Variants in CADPS observed in about 807,000 individuals in gnomAD.
CADPS encodes calcium-dependent secretion activator 1.
In CADPS, 57 loss-of-function variants were observed where a neutral mutation model predicts 167.3. The observed-to-expected ratio is 0.34, with a 90% confidence interval of 0.28 to 0.42. CADPS has a LOEUF of 0.42. CADPS is among the 20% of genes least tolerant of loss of function. The pLI, the probability that CADPS is intolerant of heterozygous loss-of-function variation, is 1.00. For missense variants in CADPS, 1,414 were observed against 1,738.1 expected, an observed-to-expected ratio of 0.81 and a Z score of 3.32; for synonymous variants, 676 against 635.3, an observed-to-expected ratio of 1.06 and a Z score of -0.96.
chr3:62,473,533 C>T (rs2060880255), intron 24 of CADPS, among the ~76,000 whole-genome samples: 3 of 152,170 alleles, frequency 2.0e-5, no homozygotes, highest in Admixed American at 2.0e-4. Flanking sequence ...GAAAAATGAT[C>T]ATGATAGTCT....
intron 3 of CADPS, among the ~76,000 whole-genome samples, chr3:62,688,210 A>G (rs1488382016): frequency 1.3e-5 from 2 of 150,254 alleles, no homozygotes; most frequent in Non-Finnish European, 3.0e-5. Context: ...GCCACTACCC[A>G]ATGTAAACCA....
intron 5 of CADPS, among the ~76,000 whole-genome samples, chr3:62,648,772 T>C (rs546704463): frequency 6.6e-6 from 1 of 151,602 alleles, no homozygotes; most frequent in African/African-American, 2.4e-5. Context: ...CCCGTTTCTG[T>C]AGGAAGACAA....
intron 1 of CADPS, among the ~76,000 whole-genome samples, chr3:62,809,910 C>T (rs1021150632): frequency 3.3e-5 from 5 of 152,168 alleles, no homozygotes; most frequent in Non-Finnish European, 7.3e-5. Flanking sequence ...TACGTCTTAA[C>T]ATAAAACATT....
chr3:62,632,203 T>C (rs2065410591), intron 6 of CADPS, among the ~76,000 whole-genome samples: 1 of 152,150 alleles, frequency 6.6e-6, no homozygotes, highest in Admixed American at 6.5e-5. Context: ...CACCCACAGA[T>C]ACAGAAAAAC....
rs554559936 is a variant in CADPS at position 62,585,310 on chromosome 3, G to A, written c.1452C>T (p.Pro484=). ...CTGACTGTTTGGGGCTGTTCGGGGT[G>A]GGATGGAGAATAACCTGTAGGGGAA... ...DKELGRVILH[P]TPNSPKQSEW... The change falls in exon 8 of 30, where the codon CCC becomes CCT. Residue 484 remains proline, a synonymous_variant. Coordinates refer to ENST00000383710, the MANE Select transcript of CADPS (RefSeq NM_003716.4). 3.1e-6 allele frequency: 5 copies of A among 1,609,264 alleles called. No homozygotes were observed. The highest frequency in any genetic ancestry group is 2.7e-5 in the African/African-American group (2 of 74,796).
At chr3:62,485,709 CAACA>C in intron 21 of CADPS, among the ~76,000 whole-genome samples, 1 of 152,264 alleles carries the variant, frequency 6.6e-6, no homozygotes, top group Non-Finnish European at 1.5e-5. Context: ...GGCAATTAAT[CAACA>C]AACATTTATT....
At position 62,769,993 on chromosome 3, in the gene CADPS, G is replaced by A. The variant is rs1441336955; in HGVS notation, c.442-4009C>T. ...ATGGCCTGGCATAAAAGAGCCAAATGATAAACTCAATGGGCTCCAAGGCTC... is the reference window on the plus strand; with the variant it reads ...ATGGCCTGGCATAAAAGAGCCAAATAATAAACTCAATGGGCTCCAAGGCTC... On this transcript the variant is annotated intron_variant, in intron 1 of 29. Transcript: ENST00000383710. Among the ~76,000 whole-genome samples, 7 of 152,206 alleles carry A rather than the reference G, an allele frequency of 4.6e-5. No homozygotes were observed. In the East Asian group the frequency reaches 1.2e-3, roughly 25 times the overall value.
chr3:62,746,769 T>G (rs578215968), intron 3 of CADPS, among the ~76,000 whole-genome samples: 2 of 152,300 alleles, frequency 1.3e-5, no homozygotes, highest in South Asian at 2.1e-4. Flanking sequence ...TGAAGGAGCT[T>G]AGAAGTGGAT....
chr3:62,744,876 T>G (rs1470348323), intron 3 of CADPS, among the ~76,000 whole-genome samples: 1 of 152,238 alleles, frequency 6.6e-6, no homozygotes, highest in Non-Finnish European at 1.5e-5. Context: ...TTTCCATTGC[T>G]GTTAGCATCT....
At position 62,532,885 on chromosome 3, in the gene CADPS, A is replaced by G; in HGVS notation, c.2277T>C (p.His759=). Residue 759 remains histidine, a synonymous_variant, in exon 13 of 30, where the codon CAT becomes CAC. Transcript: ENST00000383710. ...CACACACTTACCTGTTCCCATGGAC[A>G]TGGGATGCACAGAAGGCAAAGCTGT... ...LHYSFAFCAS[H]VHGNRPDGIG... 2 of 1,613,616 alleles carry G rather than the reference A, an allele frequency of 1.2e-6. No individual in the cohort carries two copies. The highest frequency in any genetic ancestry group is 2.2e-5 in the East Asian group (1 of 44,818).
intron 1 of CADPS, among the ~76,000 whole-genome samples, chr3:62,842,970 T>C (rs2076859409): frequency 6.6e-6 from 1 of 152,232 alleles, no homozygotes; most frequent in Non-Finnish European, 1.5e-5. Context: ...TTCTAGTCTC[T>C]GGAAAGCATG....
chr3:62,743,517 C>A (rs771011506), intron 3 of CADPS, among the ~76,000 whole-genome samples: 2 of 152,112 alleles, frequency 1.3e-5, no homozygotes, highest in Non-Finnish European at 2.9e-5. Context: ...CTCCAAAGAA[C>A]AACTTTTTAA....
chr3:62,782,957 G>T (rs1324644166), intron 1 of CADPS, among the ~76,000 whole-genome samples: 3 of 151,920 alleles, frequency 2.0e-5, no homozygotes, highest in Admixed American at 1.3e-4. Flanking sequence ...ATGGGGTTTT[G>T]CCATGTTGGC....
At chr3:62,566,279 C>T (rs868569529) in intron 9 of CADPS, among the ~76,000 whole-genome samples, 39 of 152,178 alleles carry the variant, frequency 2.6e-4, no homozygotes, top group Admixed American at 1.9e-3. Flanking sequence ...GGTGGTTCTC[C>T]GGGTTTCATG....
At chr3:62,512,072 T>C (rs2067963882) in intron 17 of CADPS, among the ~76,000 whole-genome samples, 2 of 152,196 alleles carry the variant, frequency 1.3e-5, no homozygotes, top group African/African-American at 4.8e-5. Context: ...TTAATTTGGA[T>C]TAACTGATAG....
At chr3:62,538,136 T>C (rs1473601590) in intron 11 of CADPS, among the ~76,000 whole-genome samples, 1 of 152,124 alleles carries the variant, frequency 6.6e-6, no homozygotes, top group Non-Finnish European at 1.5e-5. Flanking sequence ...CTTGCTGCAT[T>C]AACTGCCTCA....
intron 3 of CADPS, among the ~76,000 whole-genome samples, chr3:62,744,595 A>C (rs2081053291): frequency 6.6e-6 from 1 of 152,216 alleles, no homozygotes; most frequent in South Asian, 2.1e-4. Context: ...CTTATCATAG[A>C]TTTTGTTGTT....
In CADPS at chr3:62,398,889, A is replaced by G. The variant is rs142235980; in HGVS notation, c.*517T>C. The G allele has an allele frequency of 6.6e-6, 1 of 152,410 alleles. No homozygotes were observed. The highest frequency in any genetic ancestry group is 1.5e-5 in the Non-Finnish European group (1 of 68,082). The allele number at this position is 152,410 out of a possible 1,614,324, so 9.4% of individuals were successfully genotyped here. ...GGGTTCATTTTTTGGTTTTAGGGGA[A>G]CAGAAAGCATCAAAAGTTAATTGTT... is the stretch of plus-strand genomic sequence containing the variant. On this transcript the variant is annotated 3_prime_UTR_variant, in exon 30 of 30. Transcript: ENST00000383710.
intron 13 of CADPS, among the ~76,000 whole-genome samples, chr3:62,528,157 A>T (rs1019254030): frequency 6.6e-6 from 1 of 152,058 alleles, no homozygotes; most frequent in African/African-American, 2.4e-5. Context: ...TCAAACGGCC[A>T]GGTTTGCCAT....
Sources: allele counts gnomAD v4.1 joint callset (sites outside exome capture counted in the v4.1 genomes callset), GRCh38; gene constraint gnomAD v4.1.1; transcripts MANE v1.5; gene names NCBI Gene and HGNC (gene_info 2026-07-23, HGNC 2026-07-21).